The following CSMD1 variants were observed in gnomAD, a reference collection of about 807,000 sequenced individuals.
CSMD1 encodes CUB and sushi domain-containing protein 1.
Under a neutral mutation model 417.5 loss-of-function variants are expected in CSMD1, and 213 were observed. That is an observed-to-expected ratio of 0.51 (90% CI 0.46 to 0.57). CSMD1 has a LOEUF of 0.57. CSMD1 is among the 20% of genes least tolerant of loss of function. CSMD1 has a pLI of 0.00. For missense variants in CSMD1, 6,923 were observed against 4,529.7 expected (o/e 1.53, Z -15.17); for synonymous variants, 2,862 against 1,736.8 (o/e 1.65, Z -16.11).
intron 40 of CSMD1, among the ~76,000 whole-genome samples, chr8:3,150,219 C>T (rs1392640170): frequency 6.6e-6 from 1 of 152,158 alleles, no homozygotes; most frequent in Non-Finnish European, 1.5e-5. Context: ...GAAACAGGGG[C>T]TCCTATAATA....
chr8:4,837,032 T>C (rs762919480), intron 1 of CSMD1, among the ~76,000 whole-genome samples: 11 of 149,014 alleles, frequency 7.4e-5, no homozygotes, highest in African/African-American at 1.3e-4. Flanking sequence ...GATGTTGTTG[T>C]TGTTGTTAAG....
At chr8:4,659,355 T>C (rs1227592953) in intron 1 of CSMD1, among the ~76,000 whole-genome samples, 2 of 151,988 alleles carry the variant, frequency 1.3e-5, no homozygotes, top group African/African-American at 4.8e-5. Context: ...TAAAATGAAA[T>C]ATTAAAAAGA....
intron 2 of CSMD1, among the ~76,000 whole-genome samples, chr8:4,423,915 T>C (rs760079738): frequency 2.0e-5 from 3 of 152,002 alleles, no homozygotes; most frequent in Non-Finnish European, 2.9e-5. Context: ...AAAATAAACC[T>C]GAACAAATAT....
chr8:4,821,950 A>G (rs1799548584), intron 1 of CSMD1, among the ~76,000 whole-genome samples: 1 of 152,172 alleles, frequency 6.6e-6, no homozygotes, highest in Middle Eastern at 3.4e-3. Context: ...ATCTAATCGA[A>G]TAAAGCTTCT....
chr8:3,498,651 G>A (rs935176582), intron 10 of CSMD1, among the ~76,000 whole-genome samples: 7 of 152,058 alleles, frequency 4.6e-5, no homozygotes, highest in African/African-American at 1.4e-4. Context: ...TTTGTCCCCT[G>A]CATTTTGTTC....
chr8:4,119,171 T>C (rs773460985), intron 3 of CSMD1, among the ~76,000 whole-genome samples: 12 of 152,076 alleles, frequency 7.9e-5, no homozygotes, highest in African/African-American at 2.4e-4. Context: ...GATGGTTTGA[T>C]AGGTGCAGCA....
chr8:3,771,123 T>C (rs904558818), intron 5 of CSMD1, among the ~76,000 whole-genome samples: 7 of 152,080 alleles, frequency 4.6e-5, no homozygotes, highest in Non-Finnish European at 1.0e-4. Context: ...TGTATCCAAA[T>C]TGTGAACAAA....
chr8:3,047,976 C>T lies in CSMD1; in HGVS notation c.7660+4486G>A, dbSNP rs535304379. ...ACTTGACGGTGATAGACTGAAGGTT[C>T]TTGTTCATTTTGTCAATCTGTGAAG... is the stretch of plus-strand genomic sequence containing the variant. On this transcript the variant is annotated intron_variant, in intron 50 of 69. Coordinates refer to ENST00000635120, the MANE Select transcript of CSMD1 (RefSeq NM_033225.6). 1.1e-4 allele frequency among the ~76,000 whole-genome samples: 16 copies of T among 152,262 alleles called. No homozygotes were observed. The South Asian group carries it at 2.9e-3, about 28-fold the overall frequency.
At chr8:4,175,766 A>G (rs866610307) in intron 3 of CSMD1, among the ~76,000 whole-genome samples, 1 of 152,192 alleles carries the variant, frequency 6.6e-6, no homozygotes. Context: ...AGTTAAAAAG[A>G]TATAAAGTCA....
chr8:3,597,677 T>C (rs1801158306), intron 8 of CSMD1, among the ~76,000 whole-genome samples: 1 of 152,208 alleles, frequency 6.6e-6, no homozygotes, highest in African/African-American at 2.4e-5. Context: ...TGAGTTCATG[T>C]CCTTTGCAGG....
chr8:3,156,861 G>T (rs1269386735), intron 39 of CSMD1, among the ~76,000 whole-genome samples: 1 of 152,004 alleles, frequency 6.6e-6, no homozygotes, highest in South Asian at 2.1e-4. Flanking sequence ...TTAAAGATGG[G>T]GCATTGGAGC....
At chr8:3,923,150 C>A (rs185731861) in intron 5 of CSMD1, among the ~76,000 whole-genome samples, 1 of 152,090 alleles carries the variant, frequency 6.6e-6, no homozygotes, top group East Asian at 1.9e-4. Context: ...TCCCAGACCA[C>A]GCCGAAGCTT....
intron 1 of CSMD1, among the ~76,000 whole-genome samples, chr8:4,963,433 C>G (rs1161248027): frequency 1.3e-5 from 2 of 152,174 alleles, no homozygotes; most frequent in Admixed American, 6.5e-5. Context: ...CTCCTGACCT[C>G]AAGCAATCCA....
chr8:3,376,272 C>G (rs1232742527), intron 18 of CSMD1, among the ~76,000 whole-genome samples: 1 of 151,786 alleles, frequency 6.6e-6, no homozygotes, highest in African/African-American at 2.4e-5. Flanking sequence ...AACTAATTGC[C>G]TGCAAGTATG....
intron 5 of CSMD1, among the ~76,000 whole-genome samples, chr8:3,981,183 T>C (rs980593276): frequency 2.0e-5 from 3 of 152,184 alleles, no homozygotes; most frequent in Non-Finnish European, 4.4e-5. Context: ...CAAGAATGGG[T>C]ATCTCCATAG....
At chr8:4,936,055 A>C (rs913724442) in intron 1 of CSMD1, among the ~76,000 whole-genome samples, 1 of 152,224 alleles carries the variant, frequency 6.6e-6, no homozygotes, top group Admixed American at 6.5e-5. Flanking sequence ...TAATCAAAGA[A>C]ACAGCAAAGG....
chr8:4,181,056 C>G (rs1798342806), intron 3 of CSMD1, among the ~76,000 whole-genome samples: 1 of 152,114 alleles, frequency 6.6e-6, no homozygotes, highest in South Asian at 2.1e-4. Flanking sequence ...TAAAGAGTCT[C>G]CAAATATGAA....
chr8:4,785,089 G>A (rs968150423), intron 1 of CSMD1, among the ~76,000 whole-genome samples: 1 of 152,130 alleles, frequency 6.6e-6, no homozygotes, highest in Non-Finnish European at 1.5e-5. Flanking sequence ...AATCTCTCTG[G>A]GTCATGAGTG....
intron 7 of CSMD1, among the ~76,000 whole-genome samples, chr8:3,667,542 G>C (rs900337036): frequency 1.3e-5 from 2 of 152,110 alleles, no homozygotes; most frequent in Admixed American, 6.5e-5. Context: ...GGTCAGGAAG[G>C]ACGTGAGGAC....
Sources: gnomAD v4.1 joint callset for allele counts (sites outside exome capture counted in the v4.1 genomes callset) on GRCh38, gnomAD v4.1.1 for gene constraint, MANE v1.5 for transcripts, NCBI Gene and HGNC (gene_info 2026-07-23, HGNC 2026-07-21) for gene names.